Variants in ZNF146 observed in about 807,000 individuals in gnomAD.
ZNF146 encodes zinc finger protein OZF.
In ZNF146, 9 loss-of-function variants were observed where a neutral mutation model predicts 22.2. The observed-to-expected ratio is 0.41, with a 90% confidence interval of 0.24 to 0.71. ZNF146 has a LOEUF of 0.71. Ranked by LOEUF, ZNF146 falls within the 30% of genes least tolerant of loss-of-function variation. The probability of loss-of-function intolerance (pLI) is 0.34; values close to 1 mark genes in which losing one functional copy is unlikely to be tolerated. For synonymous variants in ZNF146, 108 were observed against 119.2 expected (o/e 0.91, Z 0.61); for missense variants, 194 against 344.8 (o/e 0.56, Z 3.46).
chr19:36,232,615 T>C (rs1299908651), intron 3 of ZNF146, among the ~76,000 whole-genome samples: 1 of 151,180 alleles, frequency 6.6e-6, no homozygotes, highest in Admixed American at 6.6e-5. Flanking sequence ...TTTTCTTTTT[T>C]TTTTTTTTCC....
intron 3 of ZNF146, among the ~76,000 whole-genome samples, chr19:36,231,332 C>T (rs964432622): frequency 3.9e-5 from 6 of 152,160 alleles, no homozygotes; most frequent in South Asian, 2.1e-4. Context: ...GCCTCAGCCT[C>T]CTGAGTAGCT....
upstream of ZNF146, chr19:36,214,870 C>T (rs1976527857): frequency 6.6e-6 from 1 of 152,518 alleles, no homozygotes. Flanking sequence ...AGTCATCTGA[C>T]GCTAAAGGAC....
intron 3 of ZNF146, among the ~76,000 whole-genome samples, chr19:36,232,601 T>C (rs933198902): frequency 7.8e-5 from 11 of 141,710 alleles, no homozygotes; most frequent in South Asian, 2.4e-4. Context: ...AGTTCTTTTT[T>C]CTTTTTTCTT....
intron 3 of ZNF146, among the ~76,000 whole-genome samples, chr19:36,233,575 G>A (rs913792406): frequency 1.3e-5 from 2 of 152,120 alleles, no homozygotes; most frequent in African/African-American, 4.8e-5. Flanking sequence ...TCGGAGAGGG[G>A]GATGTGGCAG....
At chr19:36,224,101 G>C (rs965675069) in intron 2 of ZNF146, among the ~76,000 whole-genome samples, 1 of 152,086 alleles carries the variant, frequency 6.6e-6, no homozygotes, top group Non-Finnish European at 1.5e-5. Flanking sequence ...GTCTTACCTG[G>C]CTGGGCACGG....
rs191462347 is a variant in ZNF146, at chr19:36,230,627, A to G, written c.-783+1808A>G. 1.8e-3 allele frequency among the ~76,000 whole-genome samples: 273 copies of G among 152,264 alleles called. 1 individual carries two copies. The highest frequency in any genetic ancestry group is 2.9e-3 in the Non-Finnish European group (196 of 68,016). On this transcript the variant is annotated intron_variant, in intron 3 of 3. Coordinates refer to ENST00000443387, the MANE Select transcript of ZNF146 (RefSeq NM_007145.3). The stretch of plus-strand genomic sequence containing the variant: ...AAGGAACAAAAGTGTTAAAAGCCCT[A>G]AGTCAGGAGAAGCTTGCTGTCCTGT...
chr19:36,237,312 C>T lies in ZNF146; in HGVS notation c.872C>T (p.Thr291Ile). The T allele has an allele frequency of 6.2e-7, 1 of 1,602,098 alleles. No individual in the cohort carries two copies. Among genetic ancestry groups the T allele is most frequent in the Non-Finnish European group, 8.5e-7 (1 of 1,174,054 alleles). ...SHHIRHQKIH[T>I]H is the part of the protein sequence containing the mutation. Reference sequence around the variant, plus strand: ...CACATTAGACACCAGAAAATTCATACTCACTAAAAACCCCATGAAAGCCTT... The same window carrying T: ...CACATTAGACACCAGAAAATTCATATTCACTAAAAACCCCATGAAAGCCTT... Residue 291 changes from threonine (T) to isoleucine (I), a missense_variant, in exon 4 of 4, where the codon ACT becomes ATT. Thr to Ile is a moderately conservative substitution (Grantham distance 89). Coordinates refer to ENST00000443387, the MANE Select transcript of ZNF146 (RefSeq NM_007145.3).
At chr19:36,228,289 G>A (rs1410753741) in intron 2 of ZNF146, among the ~76,000 whole-genome samples, 1 of 151,788 alleles carries the variant, frequency 6.6e-6, no homozygotes, top group Admixed American at 6.6e-5. Context: ...TTGTGCCCAT[G>A]TGCTTTAGTT....
Position 36,223,848 on chromosome 19 carries a change from T to A in ZNF146, c.-854-4900T>A, listed in dbSNP as rs536717552. ...TGCAGCCTTCATATCCTCGCTAATT[T>A]AAAAAAAAAAAAATTGTAGAGATAA... On this transcript the variant is annotated intron_variant, in intron 2 of 3. Coordinates refer to ENST00000443387, the MANE Select transcript of ZNF146 (RefSeq NM_007145.3). Among the ~76,000 whole-genome samples the A allele has an allele frequency of 1.1e-3, 156 of 146,454 alleles. No homozygotes were observed. The East Asian group carries it at 0.018, about 17-fold the overall frequency.
At chr19:36,231,959 T>C (rs1725819875) in intron 3 of ZNF146, among the ~76,000 whole-genome samples, 1 of 151,730 alleles carries the variant, frequency 6.6e-6, no homozygotes, top group South Asian at 2.1e-4. Context: ...TCCCAACACT[T>C]TGGGAGGCCG....
chr19:36,233,403 G>A (rs1977481639), intron 3 of ZNF146, among the ~76,000 whole-genome samples: 1 of 152,130 alleles, frequency 6.6e-6, no homozygotes, highest in African/African-American at 2.4e-5. Context: ...TCGTCAGGTG[G>A]AAGGACTGAC....
chr19:36,217,055 CTTTTTT>C (rs752632008), intron 1 of ZNF146, among the ~76,000 whole-genome samples: 4 of 65,862 alleles, frequency 6.1e-5, no homozygotes, highest in East Asian at 5.5e-4. Flanking sequence ...CAGTCCCTGT[CTTTTTT>C]TTTTTTTTTT....
At chr19:36,225,729 A>G (rs889581595) in intron 2 of ZNF146, among the ~76,000 whole-genome samples, 1 of 143,852 alleles carries the variant, frequency 7.0e-6, no homozygotes, top group Non-Finnish European at 1.5e-5. Flanking sequence ...TGAGCCACCA[A>G]GCCCTGCCCC....
chr19:36,234,823 T>C lies in ZNF146; in HGVS notation c.-782-836T>C, dbSNP rs371337151. ...TCATTTGCTGAATGCCCCTGAGCTC[T>C]GATTAAAATTCTGCAGGGGATAAAC... On this transcript the variant is annotated intron_variant, in intron 3 of 3. Coordinates refer to ENST00000443387, the MANE Select transcript of ZNF146 (RefSeq NM_007145.3). 2.6e-5 allele frequency among the ~76,000 whole-genome samples: 4 copies of C among 152,232 alleles called. No individual in the cohort carries two copies. In the East Asian group the frequency reaches 5.8e-4, roughly 22 times the overall value.
At chr19:36,222,283 A>G (rs1976880933) in intron 2 of ZNF146, among the ~76,000 whole-genome samples, 1 of 152,188 alleles carries the variant, frequency 6.6e-6, no homozygotes, top group African/African-American at 2.4e-5. Context: ...TGCTGTATAA[A>G]TAAGATGTCA....
chr19:36,228,457 A>G (rs892023020), intron 2 of ZNF146: 1 of 152,238 alleles, frequency 6.6e-6, no homozygotes, highest in Non-Finnish European at 1.5e-5. Context: ...TGTAAGTAAA[A>G]TTCTGAAAGG....
intron 2 of ZNF146, among the ~76,000 whole-genome samples, chr19:36,223,241 A>AC (rs1421267731): frequency 6.6e-6 from 1 of 150,752 alleles, no homozygotes; most frequent in African/African-American, 2.4e-5. Context: ...ACATGGTGAA[A>AC]CCCCGTCTCT....
chr19:36,236,265 T>C lies in ZNF146; in HGVS notation c.-176T>C, dbSNP rs1977641126. On this transcript the variant is annotated 5_prime_UTR_variant, in exon 4 of 4. Coordinates refer to ENST00000443387, the MANE Select transcript of ZNF146 (RefSeq NM_007145.3). ...GAGAGAAAGCATTGAATATACTGAG[T>C]ATGATAACATTTCCTCTCAAACCTT... 1.4e-6 allele frequency: 1 copy of C among 732,428 alleles called. No individual in the cohort carries two copies. The highest frequency in any genetic ancestry group is 2.1e-6 in the Non-Finnish European group (1 of 472,086). 45.4% of individuals were successfully genotyped at this position (732,428 alleles called of 1,614,324 possible).
Position 36,236,714 on chromosome 19 carries a change from A to G in ZNF146, c.274A>G (p.Lys92Glu). 1 of 1,614,232 alleles carries G rather than the reference A, an allele frequency of 6.2e-7. No homozygotes were observed. Among genetic ancestry groups the G allele is most frequent in the East Asian group, 2.2e-5 (1 of 44,886 alleles). Reference sequence around the variant, plus strand: ...GAAGGAAAACCTCCTTACGCACCAGAAAATTCACACTGGAGAAAAACCTTT... The same window carrying G: ...GAAGGAAAACCTCCTTACGCACCAGGAAATTCACACTGGAGAAAAACCTTT... ...SQKENLLTHQ[K>E]IHTGEKPFEC... Residue 92 changes from lysine (K) to glutamate (E), a missense_variant, in exon 4 of 4, where the codon AAA (lysine) becomes GAA (glutamate). Coordinates refer to ENST00000443387, the MANE Select transcript of ZNF146 (RefSeq NM_007145.3).
Sources: allele counts gnomAD v4.1 joint callset (sites outside exome capture counted in the v4.1 genomes callset), GRCh38; gene constraint gnomAD v4.1.1; transcripts MANE v1.5; gene names NCBI Gene and HGNC (gene_info 2026-07-23, HGNC 2026-07-21).